Variants in DYRK1A observed in about 807,000 individuals in gnomAD.
DYRK1A encodes the protein dual specificity tyrosine phosphorylation regulated kinase 1A.
DYRK1A carries 9 observed loss-of-function variants against 79.7 expected under a neutral mutation model. The ratio of observed to expected loss-of-function variants is 0.11; its 90% CI spans 0.07 to 0.20. The LOEUF (loss-of-function observed/expected upper bound fraction) is 0.20. Among genes scored for constraint, DYRK1A ranks in the 10% least tolerant of loss-of-function variants. The probability of loss-of-function intolerance (pLI) is 1.00; values close to 1 mark genes in which losing one functional copy is unlikely to be tolerated. For missense variants in DYRK1A, 622 were observed against 956.0 expected (o/e 0.65, Z 4.61); for synonymous variants, 349 against 329.7 (o/e 1.06, Z -0.63).
At position 37,513,727 on chromosome 21, in the gene DYRK1A, T is replaced by TA. The variant is rs1026168348; in HGVS notation, c.*1202dup. The TA allele has an allele frequency of 6.6e-6, 1 of 152,656 alleles. No homozygotes were observed. The highest frequency in any genetic ancestry group is 2.4e-5 in the African/African-American group (1 of 41,468). The allele number at this position is 152,656 out of a possible 1,614,324, so 9.5% of individuals were successfully genotyped here. A position where few individuals can be genotyped will look rare whatever the true frequency, so the allele number is the denominator to read the frequency against. Reference sequence around the variant, plus strand: ...GTCTTCTGTTCATCCTGAACATTTTTAAAAAATGCAGAATTTTATGTGACT... The same window carrying TA: ...GTCTTCTGTTCATCCTGAACATTTTTAAAAAAATGCAGAATTTTATGTGACT... On this transcript the variant is annotated 3_prime_UTR_variant, in exon 12 of 12. Coordinates refer to ENST00000647188, the MANE Select transcript of DYRK1A (RefSeq NM_001347721.2).
chr21:37,367,658 C>A (rs914197686), intron 1 of DYRK1A, 30 bp downstream of exon 1: 1 of 145,492 alleles, frequency 6.9e-6, no homozygotes, highest in Non-Finnish European at 1.5e-5. Flanking sequence ...GCGGCCCCGC[C>A]CGGCCTGGCG....
intron 4 of DYRK1A, among the ~76,000 whole-genome samples, chr21:37,479,947 A>C (rs1463994208): frequency 6.6e-6 from 1 of 152,062 alleles, no homozygotes; most frequent in African/African-American, 2.4e-5. Context: ...GTTAAAGAAA[A>C]TAACTCAGCC....
At chr21:37,481,072 T>C in intron 5 of DYRK1A, 1 of 399,720 alleles carries the variant, frequency 2.5e-6, no homozygotes, top group Non-Finnish European at 4.4e-6. Context: ...GACTGGTGAA[T>C]TTTAATCACT....
chr21:37,429,635 G>T (rs903063161), intron 2 of DYRK1A, among the ~76,000 whole-genome samples: 2 of 152,128 alleles, frequency 1.3e-5, no homozygotes, highest in Non-Finnish European at 2.9e-5. Context: ...CCTTTCAAGA[G>T]GCCTCTCCTC....
At chr21:37,393,726 C>T (rs2049911291) in intron 1 of DYRK1A, among the ~76,000 whole-genome samples, 1 of 152,326 alleles carries the variant, frequency 6.6e-6, no homozygotes, top group Admixed American at 6.5e-5. Flanking sequence ...CATTTCTTTG[C>T]TCACTGTGTT....
chr21:37,502,001 T>A (rs2053464717), intron 9 of DYRK1A: 1 of 152,216 alleles, frequency 6.6e-6, no homozygotes, highest in Non-Finnish European at 1.5e-5. Context: ...TTGTCTCTAG[T>A]CATGTTTGTC....
At position 37,433,922 on chromosome 21, in the gene DYRK1A, G is replaced by A. The variant is rs1602491106; in HGVS notation, c.10+13538G>A. The stretch of plus-strand genomic sequence containing the variant: ...TTCTAGGATGGGGGGGTTAATATTA[G>A]ATTATTTTTAAGTTTCCTTCTAGTT... On this transcript the variant is annotated intron_variant, in intron 2 of 11. Coordinates refer to ENST00000647188, the MANE Select transcript of DYRK1A (RefSeq NM_001347721.2). Among the ~76,000 whole-genome samples the A allele has an allele frequency of 2.0e-5, 3 of 152,244 alleles. No homozygotes were observed. The East Asian group carries it at 5.8e-4, about 29-fold the overall frequency.
intron 7 of DYRK1A, among the ~76,000 whole-genome samples, chr21:37,491,260 C>G (rs2053083305): frequency 6.6e-6 from 1 of 152,058 alleles, no homozygotes; most frequent in Non-Finnish European, 1.5e-5. Context: ...GAAAACTACT[C>G]TAACAGCATT....
At chr21:37,387,661 C>G (rs189737140) in intron 1 of DYRK1A, among the ~76,000 whole-genome samples, 1 of 152,186 alleles carries the variant, frequency 6.6e-6, no homozygotes. Context: ...TCCTGGCTTT[C>G]TGGCCATTAT....
At chr21:37,395,787 A>T (rs1373369956) in intron 1 of DYRK1A, among the ~76,000 whole-genome samples, 1 of 152,170 alleles carries the variant, frequency 6.6e-6, no homozygotes, top group Non-Finnish European at 1.5e-5. Flanking sequence ...ATGGGTGGAA[A>T]CATTTACTCT....
chr21:37,395,588 T>C (rs2049946446), intron 1 of DYRK1A, among the ~76,000 whole-genome samples: 1 of 152,204 alleles, frequency 6.6e-6, no homozygotes, highest in African/African-American at 2.4e-5. Flanking sequence ...ATTTCTCTCC[T>C]GGGGATGGGA....
At chr21:37,376,439 G>A (rs1039195289) in intron 1 of DYRK1A, among the ~76,000 whole-genome samples, 1 of 152,170 alleles carries the variant, frequency 6.6e-6, no homozygotes, top group Admixed American at 6.5e-5. Flanking sequence ...AACCCTGGAA[G>A]CGGACGTTGC....
chr21:37,374,272 G>A (rs1455096379), intron 1 of DYRK1A, among the ~76,000 whole-genome samples: 1 of 151,136 alleles, frequency 6.6e-6, no homozygotes, highest in Non-Finnish European at 1.5e-5. Flanking sequence ...TTGTCAGGAT[G>A]TCATAAAGAT....
intron 3 of DYRK1A, among the ~76,000 whole-genome samples, chr21:37,475,651 T>C (rs2052369546): frequency 6.6e-6 from 1 of 152,238 alleles, no homozygotes; most frequent in Non-Finnish European, 1.5e-5. Flanking sequence ...AGCTTGGCCT[T>C]GTAGGCAGAG....
rs977198380 is a variant in DYRK1A at position 37,407,966 on chromosome 21, C to G, written c.-76-12333C>G. Among the ~76,000 whole-genome samples, 3 of 151,718 alleles carry G rather than the reference C, an allele frequency of 2.0e-5. No homozygotes were observed. In the East Asian group the frequency reaches 5.8e-4, roughly 29 times the overall value. The stretch of plus-strand genomic sequence containing the variant: ...TTTACCCCGGCTCCCTGAAGTTTCA[C>G]ATTACAGCTCTACATTTGTGTTAAC... On this transcript the variant is annotated intron_variant, in intron 1 of 11. Transcript: ENST00000647188.
chr21:37,485,765 G>C (rs886086377), intron 5 of DYRK1A, among the ~76,000 whole-genome samples: 1 of 151,974 alleles, frequency 6.6e-6, no homozygotes, highest in East Asian at 1.9e-4. Context: ...TATGAACCTC[G>C]TTTTAAATGA....
chr21:37,436,188 G>A (rs1364334730), intron 2 of DYRK1A, among the ~76,000 whole-genome samples: 1 of 152,200 alleles, frequency 6.6e-6, no homozygotes, highest in Non-Finnish European at 1.5e-5. Context: ...GGTTAAAGAG[G>A]AAGCCCATAG....
chr21:37,420,305 A>G lies in DYRK1A; in HGVS notation c.-70A>G. 2.8e-6 allele frequency: 4 copies of G among 1,420,720 alleles called. No homozygotes were observed. The highest frequency in any genetic ancestry group is 2.0e-6 in the Non-Finnish European group (2 of 1,009,420). 88.0% of individuals were successfully genotyped at this position (1,420,720 alleles called of 1,614,324 possible). On this transcript the variant is annotated 5_prime_UTR_variant, in exon 2 of 12. The change creates a new upstream start codon in the 5' untranslated region. Coordinates refer to ENST00000647188, the MANE Select transcript of DYRK1A (RefSeq NM_001347721.2). Reference sequence around the variant, plus strand: ...TCTGTTTTTCTTCACACAGTGTTATAGTTTTGCCGCTGGACTCTTCCCTCC... The same window carrying G: ...TCTGTTTTTCTTCACACAGTGTTATGGTTTTGCCGCTGGACTCTTCCCTCC...
At chr21:37,386,143 C>A (rs1194581667) in intron 1 of DYRK1A, among the ~76,000 whole-genome samples, 1 of 152,064 alleles carries the variant, frequency 6.6e-6, no homozygotes, top group Non-Finnish European at 1.5e-5. Flanking sequence ...TCAAACCAGG[C>A]CTTAGTTTCC....
Sources: gnomAD v4.1 joint callset for allele counts (sites outside exome capture counted in the v4.1 genomes callset) on GRCh38, gnomAD v4.1.1 for gene constraint, MANE v1.5 for transcripts, NCBI Gene and HGNC (gene_info 2026-07-23, HGNC 2026-07-21) for gene names.